Variants in C12orf57 observed in about 807,000 individuals in gnomAD.
C12orf57 encodes the protein chromosome 12 open reading frame 57.
C12orf57 carries 14 observed loss-of-function variants against 11.3 expected under a neutral mutation model. The observed-to-expected ratio is 1.24, with a 90% confidence interval of 0.82 to 1.94. The LOEUF (loss-of-function observed/expected upper bound fraction) is 1.94, where lower values mean the gene tolerates loss of function less well. Among genes scored for constraint, C12orf57 ranks in the 30% most tolerant of loss-of-function variants. C12orf57 has a pLI of 0.00. For synonymous variants in C12orf57, 100 were observed against 74.6 expected, an observed-to-expected ratio of 1.34 and a Z score of -1.76; for missense variants, 229 against 172.4, an observed-to-expected ratio of 1.33 and a Z score of -1.84.
At chr12:6,943,710 G>T, upstream of C12orf57, 1 of 1,277,904 alleles carries the variant, frequency 7.8e-7, no homozygotes, top group Non-Finnish European at 1.0e-6. Flanking sequence ...TACCACATGC[G>T]TCGTTGTTTA....
At position 6,944,717 on chromosome 12, in the gene C12orf57, C is replaced by G. The variant is rs1945753148; in HGVS notation, c.229+65C>G. 5 of 1,596,270 alleles carry G rather than the reference C, an allele frequency of 3.1e-6. No individual in the cohort carries two copies. The African/African-American group carries it at 4.0e-5, about 13-fold the overall frequency. ...CGGGAGTTGGGTCGGGAGAGGGCGC[C>G]GGATCTGTGGGCCCATGAGCGGTTG... On this transcript the variant is annotated intron_variant, in intron 2 of 2. Coordinates refer to ENST00000229281, the MANE Select transcript of C12orf57 (RefSeq NM_138425.4).
At position 6,945,875 on chromosome 12, in the gene C12orf57, C is replaced by G; in HGVS notation, c.334C>G (p.Leu112Val). The G allele has an allele frequency of 1.2e-6, 2 of 1,613,630 alleles. No individual in the cohort carries two copies. Among genetic ancestry groups the G allele is most frequent in the Non-Finnish European group, 1.7e-6 (2 of 1,179,908 alleles). Reference sequence around the variant, plus strand: ...GGCGCTGTTTCTGCCGCCCATGACCCTGCCACCCCATGGGCCTGCTGCTGG... The same window carrying G: ...GGCGCTGTTTCTGCCGCCCATGACCGTGCCACCCCATGGGCCTGCTGCTGG... ...LKALFLPPMT[L>V]PPHGPAAGGS... Residue 112 changes from leucine to valine, a missense_variant, in exon 3 of 3, where the codon CTG becomes GTG. Transcript: ENST00000229281.
At chr12:6,944,262 T>C (rs1945731620) in intron 1 of C12orf57, 89 bp downstream of exon 1, 1 of 1,608,638 alleles carries the variant, frequency 6.2e-7, no homozygotes, top group Non-Finnish European at 8.5e-7. Flanking sequence ...GGGCGGAGGA[T>C]GTGGGGCGAC....
chr12:6,944,035 AG>A lies in C12orf57; in HGVS notation c.-83del. The stretch of plus-strand genomic sequence containing the variant: ...CGGATGCTGTTTCCTTTCCGCTCCC[AG>A]GGGCGTTGGGAACGGTTGTAGGACG... On this transcript the variant is annotated 5_prime_UTR_variant, in exon 1 of 3. Transcript: ENST00000229281. 2 of 1,609,138 alleles carry A rather than the reference AG, an allele frequency of 1.2e-6. No individual in the cohort carries two copies. The highest frequency in any genetic ancestry group is 1.7e-6 in the Non-Finnish European group (2 of 1,178,990).
chr12:6,943,806 A>T (rs141154581), upstream of C12orf57: 1 of 884,188 alleles, frequency 1.1e-6, no homozygotes. Context: ...CTCTCCAAAC[A>T]CATACGCAGC....
chr12:6,945,994 T>G lies in C12orf57; in HGVS notation c.*72T>G. The G allele has an allele frequency of 1.3e-6, 2 of 1,519,038 alleles. No homozygotes were observed. The highest frequency in any genetic ancestry group is 1.8e-6 in the Non-Finnish European group (2 of 1,126,670). The allele number at this position is 1,519,038 out of a possible 1,614,324, so 94.1% of individuals were successfully genotyped here. On this transcript the variant is annotated 3_prime_UTR_variant, in exon 3 of 3. Coordinates refer to ENST00000229281, the MANE Select transcript of C12orf57 (RefSeq NM_138425.4). ...TGTTCCAGACAATAATAAATGCGCC[T>G]GTGACTTAGCCTTGGTGTCAGTCTC... is the stretch of plus-strand genomic sequence containing the variant.
chr12:6,945,522 G>C (rs782418350), intron 2 of C12orf57, among the ~76,000 whole-genome samples: 1 of 152,186 alleles, frequency 6.6e-6, no homozygotes, highest in South Asian at 2.1e-4. Context: ...CTGCTAAAAT[G>C]GTTCACCTGA....
chr12:6,944,925 C>T (rs1945762249), intron 2 of C12orf57: 2 of 1,297,196 alleles, frequency 1.5e-6, no homozygotes, highest in African/African-American at 1.5e-5. Flanking sequence ...GGAATATTTA[C>T]ATATACATGG....
chr12:6,943,738 GAA>G (rs369359232), upstream of C12orf57: 15 of 1,226,498 alleles, frequency 1.2e-5, no homozygotes, highest in Middle Eastern at 2.3e-4. Flanking sequence ...ATAGGAACAA[GAA>G]AAAAGTCACC....
At chr12:6,944,968 C>A in intron 2 of C12orf57, 1 of 931,140 alleles carries the variant, frequency 1.1e-6, no homozygotes, top group Non-Finnish European at 1.5e-6. Flanking sequence ...AATCTGAACA[C>A]GAAATTGTTT....
upstream of C12orf57, chr12:6,943,750 C>T: frequency 8.6e-7 from 1 of 1,162,996 alleles, no homozygotes; most frequent in South Asian, 1.5e-5. Context: ...AAAAAGTCAC[C>T]TAAGCTCACC....
chr12:6,944,374 C>T (rs2138235201), intron 1 of C12orf57, 102 bp from the exon 2 acceptor site: 4 of 1,556,492 alleles, frequency 2.6e-6, no homozygotes, highest in East Asian at 2.4e-5. Flanking sequence ...ATTGGGTTAC[C>T]TACAGCCTCA....
intron 2 of C12orf57, chr12:6,945,006 A>G (rs1451174529): frequency 3.6e-6 from 2 of 549,680 alleles, no homozygotes; most frequent in African/African-American, 1.9e-5. Flanking sequence ...CCTTATGCAC[A>G]TAGCCTGAGG....
At chr12:6,943,935 GTTT>G, upstream of C12orf57, 1 of 1,394,310 alleles carries the variant, frequency 7.2e-7, no homozygotes, top group Non-Finnish European at 9.6e-7. Flanking sequence ...ATTATGGGTA[GTTT>G]TGGTGGTCTT....
At chr12:6,943,495 A>T, upstream of C12orf57, 1 of 1,273,380 alleles carries the variant, frequency 7.9e-7, no homozygotes, top group Non-Finnish European at 1.0e-6. Flanking sequence ...GGCCTTTAGG[A>T]AACTGCGACA....
chr12:6,943,646 A>G (rs1555145340), upstream of C12orf57: 2 of 1,287,976 alleles, frequency 1.6e-6, no homozygotes, highest in Admixed American at 2.3e-5. Context: ...CGCGAACTCT[A>G]GAAATGAATG....
At chr12:6,945,705 C>T (rs1945787630) in intron 2 of C12orf57, 66 bp from the exon 3 acceptor site, 11 of 1,546,372 alleles carry the variant, frequency 7.1e-6, no homozygotes, top group South Asian at 5.8e-5. Context: ...AGACTACCAC[C>T]CCCTCCAGGT....
intron 2 of C12orf57, chr12:6,945,103 A>G (rs974386377): frequency 3.7e-6 from 1 of 268,016 alleles, no homozygotes; most frequent in Non-Finnish European, 7.0e-6. Flanking sequence ...ACCCCCCACT[A>G]TGAAGTCAGG....
intron 2 of C12orf57, chr12:6,944,961 C>A: frequency 1.0e-6 from 1 of 987,784 alleles, no homozygotes; most frequent in Non-Finnish European, 1.4e-6. Context: ...GGACCTAAAT[C>A]TGAACACGAA....
Sources: allele counts gnomAD v4.1 joint callset (sites outside exome capture counted in the v4.1 genomes callset), GRCh38; gene constraint gnomAD v4.1.1; transcripts MANE v1.5; gene names NCBI Gene and HGNC (gene_info 2026-07-23, HGNC 2026-07-21).